Variants in SPAG6 observed in about 807,000 individuals in gnomAD.
SPAG6 encodes sperm-associated antigen 6.
Under a neutral mutation model 58.5 loss-of-function variants are expected in SPAG6, and 49 were observed. The observed-to-expected ratio is 0.84, with a 90% CI of 0.67 to 1.06. The LOEUF (loss-of-function observed/expected upper bound fraction) is 1.06, where lower values mean the gene tolerates loss of function less well. Among genes scored for constraint, SPAG6 ranks in the 50% least tolerant of loss-of-function variants. The pLI is 0.00. For synonymous variants in SPAG6, 233 were observed against 225.6 expected (o/e 1.03, Z -0.29); for missense variants, 560 against 611.3 (o/e 0.92, Z 0.89).
chr10:22,391,923 A>T lies in SPAG6; in HGVS notation c.1197+3A>T. On this transcript the variant is annotated splice_donor_region_variant and intron_variant, in intron 8 of 10. Transcript: ENST00000376624. ...GTTCTGAGGATCTCCAAGTAAAAGTAAGTGCTTAATTCTGTTTTATGAAGA... is the reference window on the plus strand; with the variant it reads ...GTTCTGAGGATCTCCAAGTAAAAGTTAGTGCTTAATTCTGTTTTATGAAGA... The T allele has an allele frequency of 6.2e-7, 1 of 1,604,178 alleles. No homozygotes were observed. Among genetic ancestry groups the T allele is most frequent in the South Asian group, 1.1e-5 (1 of 90,434 alleles).
intron 8 of SPAG6, among the ~76,000 whole-genome samples, chr10:22,399,593 T>C (rs1169466094): frequency 6.6e-6 from 1 of 152,254 alleles, no homozygotes; most frequent in African/African-American, 2.4e-5. Flanking sequence ...ATGATATACA[T>C]TTCTATCTAG....
intron 9 of SPAG6, among the ~76,000 whole-genome samples, chr10:22,401,550 T>C (rs1195549134): frequency 6.6e-6 from 1 of 152,230 alleles, no homozygotes; most frequent in East Asian, 1.9e-4. Context: ...TTTATATTGA[T>C]AAGTGACTTT....
intron 7 of SPAG6, among the ~76,000 whole-genome samples, chr10:22,390,157 TC>T (rs1190260313): frequency 1.3e-5 from 2 of 152,190 alleles, no homozygotes; most frequent in East Asian, 1.9e-4. Flanking sequence ...TTTGCTTTAC[TC>T]CCTTTTATCC....
At chr10:22,395,300 T>G (rs1010402388) in intron 8 of SPAG6, among the ~76,000 whole-genome samples, 1 of 152,192 alleles carries the variant, frequency 6.6e-6, no homozygotes, top group Non-Finnish European at 1.5e-5. Context: ...ATAACTCTGT[T>G]TAACATCTCG....
chr10:22,346,328 A>G (rs1836526825), intron 2 of SPAG6, among the ~76,000 whole-genome samples: 2 of 149,704 alleles, frequency 1.3e-5, no homozygotes, highest in South Asian at 4.2e-4. Flanking sequence ...CGTTCCTTCT[A>G]CTCCTCAGTC....
At chr10:22,381,495 C>T (rs1488410719) in intron 4 of SPAG6, among the ~76,000 whole-genome samples, 1 of 150,600 alleles carries the variant, frequency 6.6e-6, no homozygotes, top group South Asian at 2.1e-4. Flanking sequence ...TTCACTACTG[C>T]TCTCCCACTC....
chr10:22,409,081 G>A (rs531751231), intron 9 of SPAG6, among the ~76,000 whole-genome samples: 12 of 152,262 alleles, frequency 7.9e-5, no homozygotes, highest in Admixed American at 2.6e-4. Context: ...GAAATCACCC[G>A]TCCTCTTCAT....
chr10:22,377,069 A>G (rs1833832839), intron 4 of SPAG6, among the ~76,000 whole-genome samples: 1 of 149,000 alleles, frequency 6.7e-6, no homozygotes, highest in Non-Finnish European at 1.5e-5. Flanking sequence ...CCTCTGGAGA[A>G]AAAAAAAAAA....
At chr10:22,390,641 G>C (rs1834164164) in intron 7 of SPAG6, among the ~76,000 whole-genome samples, 1 of 152,152 alleles carries the variant, frequency 6.6e-6, no homozygotes, top group Admixed American at 6.6e-5. Flanking sequence ...CAGAGCTTCA[G>C]GGATGGAGTA....
rs893245747 is a variant in SPAG6 at position 22,358,261 on chromosome 10, T to C, written c.122-6592T>C. On this transcript the variant is annotated intron_variant, in intron 2 of 10. Coordinates refer to ENST00000376624, the MANE Select transcript of SPAG6 (RefSeq NM_012443.4). ...TCCAGCACCTGTTGTTTCTTGACTT[T>C]TTAATGATCGCCATTCTAACTGGTG... is the stretch of plus-strand genomic sequence containing the variant. Among the ~76,000 whole-genome samples, 16 of 152,326 alleles carry C rather than the reference T, an allele frequency of 1.1e-4. 2 individuals are homozygous for C. The highest frequency in any genetic ancestry group is 3.4e-4 in the African/African-American group (14 of 41,560).
chr10:22,346,319 G>C (rs544093122), intron 2 of SPAG6, among the ~76,000 whole-genome samples: 54 of 152,048 alleles, frequency 3.6e-4, no homozygotes, highest in African/African-American at 1.1e-3. Context: ...CTTATGGCGC[G>C]TTCCTTCTAC....
At position 22,358,605 on chromosome 10, in the gene SPAG6, T is replaced by A. The variant is rs577707677; in HGVS notation, c.122-6248T>A. 7.2e-5 allele frequency among the ~76,000 whole-genome samples: 11 copies of A among 152,056 alleles called. No homozygotes were observed. In the South Asian group the frequency reaches 2.3e-3, roughly 32 times the overall value. ...GTTTAATGAGATCCCATTTGTCAAT[T>A]TTGGCTTTTGTTGCCATTGCTTTTG... is the stretch of plus-strand genomic sequence containing the variant. On this transcript the variant is annotated intron_variant, in intron 2 of 10. Transcript: ENST00000376624.
At chr10:22,388,398 G>A (rs1049618504) in intron 6 of SPAG6, among the ~76,000 whole-genome samples, 1 of 152,124 alleles carries the variant, frequency 6.6e-6, no homozygotes, top group Admixed American at 6.6e-5. Flanking sequence ...TAGATTGTGA[G>A]GACAATGGAA....
chr10:22,410,884 A>C (rs1834714176), intron 9 of SPAG6, 147 bp from the exon 10 acceptor site: 7 of 728,994 alleles, frequency 9.6e-6, no homozygotes, highest in South Asian at 2.6e-5. Context: ...TTTCACTTCA[A>C]ATTAGCAGCA....
At chr10:22,401,043 C>CT in intron 8 of SPAG6, 118 bp from the exon 9 acceptor site, 1 of 636,280 alleles carries the variant, frequency 1.6e-6, no homozygotes, top group Non-Finnish European at 2.8e-6. Context: ...AATGAAACAA[C>CT]TGCAGCTTAG....
chr10:22,389,153 C>A lies in SPAG6; in HGVS notation c.853-7C>A, dbSNP rs1478875074. On this transcript the variant is annotated splice_polypyrimidine_tract_variant and splice_region_variant and intron_variant, in intron 6 of 10. Coordinates refer to ENST00000376624, the MANE Select transcript of SPAG6 (RefSeq NM_012443.4). The stretch of plus-strand genomic sequence containing the variant: ...CTGGTGATCTAACTCTTGTTCCCAT[C>A]GCTTAGCTTTCACAGCTGGTAGTTA... 6.2e-7 allele frequency: 1 copy of A among 1,612,476 alleles called. No individual in the cohort carries two copies. The highest frequency in any genetic ancestry group is 8.5e-7 in the Non-Finnish European group (1 of 1,178,948).
chr10:22,368,761 A>G (rs1315936794), intron 4 of SPAG6, 83 bp downstream of exon 4: 1 of 1,066,944 alleles, frequency 9.4e-7, no homozygotes, highest in Admixed American at 2.5e-5. Flanking sequence ...TTTGCTTAGT[A>G]AAACATAGGT....
intron 4 of SPAG6, among the ~76,000 whole-genome samples, chr10:22,373,784 G>A (rs1015793587): frequency 2.0e-5 from 3 of 151,968 alleles, no homozygotes; most frequent in African/African-American, 4.8e-5. Flanking sequence ...AGGCAAATGA[G>A]GTATGTGGGA....
chr10:22,402,364 A>G (rs1291680022), intron 9 of SPAG6, among the ~76,000 whole-genome samples: 2 of 152,240 alleles, frequency 1.3e-5, no homozygotes, highest in East Asian at 1.9e-4. Context: ...TACTCTTCAT[A>G]CACTATGTTT....
Sources: allele counts gnomAD v4.1 joint callset (sites outside exome capture counted in the v4.1 genomes callset), GRCh38; gene constraint gnomAD v4.1.1; transcripts MANE v1.5; gene names NCBI Gene and HGNC (gene_info 2026-07-23, HGNC 2026-07-21).